Variants in ANKHD1 observed in about 807,000 individuals in gnomAD.
ANKHD1 encodes ankyrin repeat and KH domain-containing protein 1.
Under a neutral mutation model 230.5 loss-of-function variants are expected in ANKHD1, and 31 were observed. That is an observed-to-expected ratio of 0.13 (90% CI 0.10 to 0.18). The LOEUF is 0.18. Ranked by LOEUF, ANKHD1 falls within the 10% of genes least tolerant of loss-of-function variation. The pLI is 1.00. For missense variants in ANKHD1, 2,256 were observed against 3,071.3 expected (o/e 0.73, Z 6.27); for synonymous variants, 1,074 against 1,117.6 (o/e 0.96, Z 0.78).
In ANKHD1 at chr5:140,506,766, T is replaced by C; in HGVS notation, c.3409-69T>C. The C allele has an allele frequency of 5.1e-6, 8 of 1,581,492 alleles. No homozygotes were observed. Among genetic ancestry groups the C allele is most frequent in the East Asian group, 2.2e-5 (1 of 44,608 alleles). ...AAGGAAGTTATAAGTCCTGTTTCTT[T>C]GTGTTTCCTTCATTATAAGTTGAGC... On this transcript the variant is annotated intron_variant, in intron 18 of 33. Transcript: ENST00000360839. This position sits in a 1 kb window ranked among gnomAD's most constrained non-coding sequence, Gnocchi z 4.7.
At chr5:140,457,646 T>C (rs1463807104) in intron 7 of ANKHD1, among the ~76,000 whole-genome samples, 1 of 151,988 alleles carries the variant, frequency 6.6e-6, no homozygotes, top group African/African-American at 2.4e-5. Flanking sequence ...TAGGTGGGAA[T>C]TGAACAATGA....
intron 26 of ANKHD1, among the ~76,000 whole-genome samples, chr5:140,526,696 T>TCTAA (rs10633527): frequency 0.67 from 101,134 of 151,542 alleles, 34,181 homozygotes; most frequent in East Asian, 0.84. Flanking sequence ...TTTGATTTTA[T>TCTAA]CTATGTCATT....
At chr5:140,537,172 G>T in intron 30 of ANKHD1, 1 of 757,890 alleles carries the variant, frequency 1.3e-6, no homozygotes, top group Non-Finnish European at 1.9e-6. Context: ...GGCAGAAATC[G>T]TGTAGGATAA....
At position 140,496,995 on chromosome 5, in the gene ANKHD1, T is replaced by C. The variant is rs745339747; in HGVS notation, c.2721T>C (p.Asn907=). 18 of 1,614,176 alleles carry C rather than the reference T, an allele frequency of 1.1e-5. No homozygotes were observed. In the South Asian group the frequency reaches 1.9e-4, roughly 17 times the overall value. Residue 907 remains asparagine, a synonymous_variant, in exon 15 of 34, where the codon AAT becomes AAC. Coordinates refer to ENST00000360839, the MANE Select transcript of ANKHD1 (RefSeq NM_017747.3). The stretch of plus-strand genomic sequence containing the variant: ...TTGACACAATCTTATTTAAAGATAA[T>C]GATGTTGATGATGAGCAACAGTCTC... ...PQVDTILFKD[N]DVDDEQQSPP...
chr5:140,407,315 CT>C (rs1770550069), intron 1 of ANKHD1, among the ~76,000 whole-genome samples: 1 of 147,190 alleles, frequency 6.8e-6, no homozygotes, highest in Non-Finnish European at 1.5e-5. Flanking sequence ...AAAAAAACCA[CT>C]TTAAAAAATG....
At chr5:140,518,307 A>T (rs201413698) in intron 24 of ANKHD1, among the ~76,000 whole-genome samples, 1,810 of 109,722 alleles carry the variant, frequency 0.016, no homozygotes, top group South Asian at 0.026. Context: ...TAGCTTACCA[A>T]CCAAAAAGAG....
At chr5:140,483,361 G>A (rs566523845) in intron 11 of ANKHD1, among the ~76,000 whole-genome samples, 3 of 151,292 alleles carry the variant, frequency 2.0e-5, no homozygotes, top group East Asian at 1.9e-4. Flanking sequence ...ATTCTCTCAG[G>A]TTGTGTTATG....
At chr5:140,448,457 C>T (rs1774456627) in intron 6 of ANKHD1, among the ~76,000 whole-genome samples, 1 of 152,112 alleles carries the variant, frequency 6.6e-6, no homozygotes, top group Admixed American at 6.6e-5. Context: ...CTACATATTG[C>T]CAAATTGCCT....
chr5:140,409,533 T>C (rs1394451933), intron 1 of ANKHD1, among the ~76,000 whole-genome samples: 1 of 146,902 alleles, frequency 6.8e-6, no homozygotes, highest in East Asian at 2.0e-4. Context: ...AAGAATTATA[T>C]GTTATTACTG....
intron 7 of ANKHD1, among the ~76,000 whole-genome samples, chr5:140,456,133 C>G (rs1321394786): frequency 6.6e-6 from 1 of 152,060 alleles, no homozygotes; most frequent in Admixed American, 6.6e-5. Flanking sequence ...GAATAAAATA[C>G]CTAGGAATCC....
Position 140,449,196 on chromosome 5 carries a change from G to A in ANKHD1, c.1148-15G>A, listed in dbSNP as rs1277442527. ...GATAGTGAATTCTTTTAAAATTTTT[G>A]TTCCTTTTTTCAAGGCCATTTGGAT... On this transcript the variant is annotated splice_polypyrimidine_tract_variant and intron_variant, in intron 6 of 33. Transcript: ENST00000360839. 21 of 1,592,382 alleles carry A rather than the reference G, an allele frequency of 1.3e-5. No individual in the cohort carries two copies. Among genetic ancestry groups the A allele is most frequent in the Admixed American group, 3.5e-5 (2 of 57,478 alleles).
In ANKHD1 at chr5:140,485,738, G is replaced by A. The variant is rs1047842982; in HGVS notation, c.2142+6G>A. On this transcript the variant is annotated splice_donor_region_variant and intron_variant, in intron 13 of 33. Transcript: ENST00000360839. This position sits in a 1 kb window ranked among gnomAD's most constrained non-coding sequence, Gnocchi z 4.8. ...CTTCTCAAGATCAGTCTCAGGTAAAGTAAAATGGAGCTTGTTTGTTAATAT... is the reference window on the plus strand; with the variant it reads ...CTTCTCAAGATCAGTCTCAGGTAAAATAAAATGGAGCTTGTTTGTTAATAT... 6.2e-7 allele frequency: 1 copy of A among 1,610,752 alleles called. No individual in the cohort carries two copies. The highest frequency in any genetic ancestry group is 8.5e-7 in the Non-Finnish European group (1 of 1,179,304).
chr5:140,450,034 T>C (rs1254222194), intron 7 of ANKHD1, among the ~76,000 whole-genome samples: 1 of 152,190 alleles, frequency 6.6e-6, no homozygotes, highest in African/African-American at 2.4e-5. Context: ...ATCCTTTTTC[T>C]ACTTCTGTAA....
rs759084739 is a variant in ANKHD1, at chr5:140,496,908, C to T, written c.2634C>T (p.Val878=). The T allele has an allele frequency of 6.2e-6, 10 of 1,614,210 alleles. No homozygotes were observed. Among genetic ancestry groups the T allele is most frequent in the Non-Finnish European group, 8.5e-6 (10 of 1,180,036 alleles). Residue 878 remains valine (V), a synonymous_variant, in exon 15 of 34, where the codon GTC becomes GTT. Coordinates refer to ENST00000360839, the MANE Select transcript of ANKHD1 (RefSeq NM_017747.3). The part of the protein sequence containing the change: ...SLHQQCSHRG[V]FPEGEGDGSL... Reference sequence around the variant, plus strand: ...ACCAACAGTGCTCTCATAGAGGAGTCTTCCCAGAAGGGGAAGGAGATGGTA... The same window carrying T: ...ACCAACAGTGCTCTCATAGAGGAGTTTTCCCAGAAGGGGAAGGAGATGGTA...
At position 140,505,789 on chromosome 5, in the gene ANKHD1, A is replaced by G. The variant is rs1752510536; in HGVS notation, c.3328A>G (p.Lys1110Glu). Residue 1110 changes from lysine to glutamate, a missense_variant, in exon 18 of 34, where the codon AAA (lysine) becomes GAA (glutamate). By Grantham distance (56) the Lys-to-Glu change is moderately conservative. Around this residue, in one of 13 missense-constraint regions of ANKHD1, gnomAD observed 63 missense variants for 125.5 expected, o/e 0.50. Coordinates refer to ENST00000360839, the MANE Select transcript of ANKHD1 (RefSeq NM_017747.3). ...HVGVVEILLD[K>E]GGDIEAQSER... ...TGGAGTTGTTGAAATCCTTTTGGAT[A>G]AAGGTGGAGATATAGAAGCACAGTC... is the stretch of plus-strand genomic sequence containing the variant. The G allele has an allele frequency of 1.9e-6, 3 of 1,613,282 alleles. No individual in the cohort carries two copies.
At chr5:140,412,200 C>T (rs1770991088) in intron 1 of ANKHD1, among the ~76,000 whole-genome samples, 1 of 151,748 alleles carries the variant, frequency 6.6e-6, no homozygotes, top group South Asian at 2.1e-4. Flanking sequence ...CCATGCCCCG[C>T]TAATTTGTTG....
chr5:140,474,317 G>A (rs1036424995), intron 10 of ANKHD1, among the ~76,000 whole-genome samples: 2 of 152,028 alleles, frequency 1.3e-5, no homozygotes, highest in Non-Finnish European at 2.9e-5. Context: ...CCTCTAGTAC[G>A]TACAGTATCA....
At chr5:140,487,808 C>T (rs932663069) in intron 14 of ANKHD1, among the ~76,000 whole-genome samples, 15 of 152,112 alleles carry the variant, frequency 9.9e-5, no homozygotes, top group African/African-American at 3.1e-4. Context: ...TTATGAACAT[C>T]GTTCATTTAG....
In ANKHD1 at chr5:140,406,483, G is replaced by GA. The variant is rs1162875042; in HGVS notation, c.306+4216dup. On this transcript the variant is annotated intron_variant, in intron 1 of 33. Transcript: ENST00000360839. Reference sequence around the variant, plus strand: ...ATTTAATATCAGAGCCAAGAGCTGAGAAAAAACAAGCTACTCTTTCTTGCT... The same window carrying GA: ...ATTTAATATCAGAGCCAAGAGCTGAGAAAAAAACAAGCTACTCTTTCTTGCT... Among the ~76,000 whole-genome samples the GA allele has an allele frequency of 2.0e-5, 3 of 151,436 alleles. No homozygotes were observed. In the East Asian group the frequency reaches 5.8e-4, roughly 29 times the overall value.
Sources: allele counts gnomAD v4.1 joint callset (sites outside exome capture counted in the v4.1 genomes callset), GRCh38; gene constraint gnomAD v4.1.1; regional missense constraint gnomAD v4.1.1; non-coding constraint Gnocchi (gnomAD v3.1); transcripts MANE v1.5; gene names NCBI Gene and HGNC (gene_info 2026-07-23, HGNC 2026-07-21).